Variants in CYP39A1 observed in about 807,000 individuals in gnomAD.
The protein encoded by CYP39A1 is cytochrome P450 family 39 subfamily A member 1, also known as 24-hydroxycholesterol 7-alpha-hydroxylase.
A neutral mutation model predicts 58.1 loss-of-function variants in CYP39A1; 49 were observed. The ratio of observed to expected loss-of-function variants is 0.84; its 90% CI spans 0.67 to 1.07. CYP39A1 has a LOEUF of 1.07. CYP39A1 is among the 50% of genes least tolerant of loss of function. The pLI is 0.00. For synonymous variants in CYP39A1, 209 were observed against 187.6 expected (o/e 1.11, Z -0.93); for missense variants, 531 against 539.4 (o/e 0.98, Z 0.16).
chr6:46,603,637 T>C (rs576840497), intron 7 of CYP39A1, among the ~76,000 whole-genome samples: 1 of 152,330 alleles, frequency 6.6e-6, no homozygotes, highest in African/African-American at 2.4e-5. Flanking sequence ...GGGCACATCC[T>C]TAACCTTGGC....
chr6:46,578,010 T>C (rs970769384), intron 10 of CYP39A1, among the ~76,000 whole-genome samples: 5 of 152,100 alleles, frequency 3.3e-5, no homozygotes, highest in African/African-American at 7.2e-5. Context: ...TACTCTAAGA[T>C]TGACCACATG....
chr6:46,610,625 G>A (rs1395893774), intron 7 of CYP39A1, among the ~76,000 whole-genome samples: 1 of 152,148 alleles, frequency 6.6e-6, no homozygotes, highest in Non-Finnish European at 1.5e-5. Flanking sequence ...GATTACAGGT[G>A]TGAGCCACGG....
intron 9 of CYP39A1, 56 bp from the exon 10 acceptor site, chr6:46,587,221 T>C: frequency 8.9e-7 from 1 of 1,129,578 alleles, no homozygotes; most frequent in South Asian, 1.3e-5. Flanking sequence ...TAAGCTTAAC[T>C]TTATTTCTCT....
chr6:46,590,261 A>G (rs996569166), intron 8 of CYP39A1, among the ~76,000 whole-genome samples: 10 of 152,202 alleles, frequency 6.6e-5, no homozygotes, highest in Non-Finnish European at 1.5e-4. Flanking sequence ...TCTCTCAGGT[A>G]GACAGAATTG....
intron 10 of CYP39A1, among the ~76,000 whole-genome samples, chr6:46,569,682 G>A (rs1167274559): frequency 6.6e-6 from 1 of 151,928 alleles, no homozygotes; most frequent in East Asian, 1.9e-4. Context: ...TTCTTCATTT[G>A]CATAGGTTGG....
At chr6:46,561,393 G>C (rs369155451) in intron 10 of CYP39A1, among the ~76,000 whole-genome samples, 58 of 152,188 alleles carry the variant, frequency 3.8e-4, no homozygotes, top group African/African-American at 1.3e-3. Flanking sequence ...TGCAACAAGC[G>C]AAAAAGACAG....
intron 7 of CYP39A1, among the ~76,000 whole-genome samples, chr6:46,597,340 G>C (rs1484929611): frequency 6.6e-6 from 1 of 152,024 alleles, no homozygotes; most frequent in Non-Finnish European, 1.5e-5. Context: ...GCACACAGTT[G>C]ACTAGTACAA....
chr6:46,602,068 T>C (rs1305306139), intron 7 of CYP39A1, among the ~76,000 whole-genome samples: 1 of 152,194 alleles, frequency 6.6e-6, no homozygotes, highest in African/African-American at 2.4e-5. Flanking sequence ...TTGTTAGATC[T>C]GTTCTTCGAT....
chr6:46,644,426 G>A (rs1443426381), intron 1 of CYP39A1, among the ~76,000 whole-genome samples: 4 of 152,128 alleles, frequency 2.6e-5, no homozygotes, highest in Non-Finnish European at 4.4e-5. Flanking sequence ...TCTGAGGCAG[G>A]AGTATCACTT....
intron 10 of CYP39A1, among the ~76,000 whole-genome samples, chr6:46,558,906 G>T (rs1177375401): frequency 6.7e-6 from 1 of 149,216 alleles, no homozygotes; most frequent in Non-Finnish European, 1.5e-5. Flanking sequence ...TGAGGCAGGA[G>T]AATTGCTTGA....
chr6:46,582,852 C>CATCTAGGTTGTT (rs1425085460), intron 10 of CYP39A1, among the ~76,000 whole-genome samples: 105 of 152,150 alleles, frequency 6.9e-4, no homozygotes, highest in African/African-American at 2.4e-3. Flanking sequence ...TCCATGATAA[C>CATCTAGGTTGTT]TCCCAGAACC....
intron 1 of CYP39A1, among the ~76,000 whole-genome samples, chr6:46,651,564 T>A (rs184663271): frequency 6.6e-6 from 1 of 152,324 alleles, no homozygotes; most frequent in East Asian, 1.9e-4. Context: ...TTTATTTTCA[T>A]CTTAGTTCTC....
At chr6:46,576,966 T>C (rs1252006700) in intron 10 of CYP39A1, among the ~76,000 whole-genome samples, 8 of 152,016 alleles carry the variant, frequency 5.3e-5, no homozygotes, top group Non-Finnish European at 1.2e-4. Flanking sequence ...ACTAGAGAGG[T>C]TGACATGCTC....
chr6:46,641,262 T>A (rs906588381), intron 2 of CYP39A1, among the ~76,000 whole-genome samples: 4 of 152,132 alleles, frequency 2.6e-5, no homozygotes, highest in African/African-American at 7.2e-5. Context: ...TTATATTATT[T>A]GATCTAAAAT....
At chr6:46,557,554 A>G (rs1296686770) in intron 10 of CYP39A1, among the ~76,000 whole-genome samples, 1 of 151,404 alleles carries the variant, frequency 6.6e-6, no homozygotes, top group East Asian at 1.9e-4. Flanking sequence ...GAGGCAAGAG[A>G]ATAGCTTGAA....
chr6:46,619,443 A>G (rs559983731), intron 7 of CYP39A1, among the ~76,000 whole-genome samples: 2 of 152,234 alleles, frequency 1.3e-5, no homozygotes, highest in South Asian at 4.2e-4. Context: ...ATACACAAAT[A>G]AAAAATATTT....
intron 10 of CYP39A1, chr6:46,583,259 G>C (rs1772250329): frequency 6.1e-6 from 6 of 985,322 alleles, no homozygotes; most frequent in Non-Finnish European, 7.2e-6. Flanking sequence ...TTTTACACTG[G>C]AGTTTAAGCC....
intron 4 of CYP39A1, 118 bp from the exon 5 acceptor site, chr6:46,636,600 T>C (rs1045328858): frequency 3.0e-6 from 2 of 668,046 alleles, no homozygotes; most frequent in Non-Finnish European, 5.1e-6. Flanking sequence ...TTATTCTTCA[T>C]TTTCAGGTAT....
Position 46,588,054 on chromosome 6 carries a change from C to T in CYP39A1, c.1141G>A (p.Glu381Lys). 1.9e-6 allele frequency: 3 copies of T among 1,581,510 alleles called. No homozygotes were observed. The highest frequency in any genetic ancestry group is 2.6e-6 in the Non-Finnish European group (3 of 1,161,424). The part of the protein sequence containing the change: ...WLHRNPKYFP[E>K]PELFKPERWK... ...CTTACAGGTTTGAACAATTCAGGCT[C>T]AGGAAAATACTTTGGATTTCTATGC... Residue 381 changes from glutamate to lysine, a missense_variant, in exon 9 of 12, where the codon GAG becomes AAG. Glu to Lys is a moderately conservative substitution (Grantham distance 56). Coordinates refer to ENST00000275016, the MANE Select transcript of CYP39A1 (RefSeq NM_016593.5).
Sources: allele counts gnomAD v4.1 joint callset (sites outside exome capture counted in the v4.1 genomes callset), GRCh38; gene constraint gnomAD v4.1.1; transcripts MANE v1.5; gene names NCBI Gene and HGNC (gene_info 2026-07-23, HGNC 2026-07-21).